The following MIPOL1 variants were observed in gnomAD, a reference collection of about 807,000 sequenced individuals.
MIPOL1 encodes mirror-image polydactyly gene 1 protein.
Under a neutral mutation model 60.9 loss-of-function variants are expected in MIPOL1, and 57 were observed. The ratio of observed to expected loss-of-function variants is 0.94; its 90% CI spans 0.76 to 1.17. The LOEUF is 1.17. Among genes scored for constraint, MIPOL1 ranks in the 50% most tolerant of loss-of-function variants. The pLI is 0.00. For missense variants in MIPOL1, 551 were observed against 511.6 expected (o/e 1.08, Z -0.74); for synonymous variants, 179 against 168.8 (o/e 1.06, Z -0.47).
chr14:37,432,033 TTGTTCAATA>T (rs2094080204), intron 11 of MIPOL1, among the ~76,000 whole-genome samples: 1 of 152,174 alleles, frequency 6.6e-6, no homozygotes, highest in African/African-American at 2.4e-5. Flanking sequence ...CCAAAATAGA[TTGTTCAATA>T]TTCCATGGAC....
chr14:37,279,814 T>C (rs2083958418), intron 6 of MIPOL1, among the ~76,000 whole-genome samples: 1 of 152,098 alleles, frequency 6.6e-6, no homozygotes, highest in Admixed American at 6.6e-5. Context: ...TAAAATGCAT[T>C]ATTTTAGCTT....
intron 11 of MIPOL1, among the ~76,000 whole-genome samples, chr14:37,458,972 A>G (rs556719491): frequency 1.3e-5 from 2 of 152,218 alleles, no homozygotes; most frequent in African/African-American, 4.8e-5. Context: ...AACAAATGAA[A>G]ATAGAGACAC....
intron 11 of MIPOL1, among the ~76,000 whole-genome samples, chr14:37,478,570 A>G (rs183273267): frequency 3.9e-5 from 6 of 152,268 alleles, no homozygotes; most frequent in Non-Finnish European, 5.9e-5. Context: ...TACTATCAAT[A>G]ATTACCATGA....
At position 37,224,028 on chromosome 14, in the gene MIPOL1, C is replaced by T. The variant is rs569123395; in HGVS notation, c.-198-23075C>T. 1.3e-3 allele frequency among the ~76,000 whole-genome samples: 199 copies of T among 152,264 alleles called. 2 individuals are homozygous for T. Among genetic ancestry groups the T allele is most frequent in the African/African-American group, 3.8e-3 (160 of 41,564 alleles). ...CTAGCATTTTGATGACCATTTATCT[C>T]CTCAGTTCCCTAAAGCAGGAAAAAT... On this transcript the variant is annotated intron_variant, in intron 1 of 12. Transcript: ENST00000684589.
chr14:37,337,352 ATATATTTTTTTTT>A (rs2090226406), intron 9 of MIPOL1, among the ~76,000 whole-genome samples: 1 of 35,450 alleles, frequency 2.8e-5, no homozygotes, highest in Non-Finnish European at 4.4e-5. Context: ...ATATATATAT[ATATATTTTTTTTT>A]TTTTTTTTTT....
At chr14:37,238,703 C>G (rs766404292) in intron 1 of MIPOL1, among the ~76,000 whole-genome samples, 2 of 151,648 alleles carry the variant, frequency 1.3e-5, no homozygotes, top group South Asian at 4.2e-4. Context: ...GTAATCCCAA[C>G]ACTTCGGAAG....
At chr14:37,248,473 AAAAG>A (rs1973542180) in intron 3 of MIPOL1, among the ~76,000 whole-genome samples, 1 of 152,088 alleles carries the variant, frequency 6.6e-6, no homozygotes, top group Admixed American at 6.6e-5. Context: ...ACAGAGAAAA[AAAAG>A]AGACACATTG....
chr14:37,476,443 T>G (rs996918825), intron 11 of MIPOL1, among the ~76,000 whole-genome samples: 1 of 152,186 alleles, frequency 6.6e-6, no homozygotes, highest in African/African-American at 2.4e-5. Context: ...CTTGTCTTAC[T>G]GCATTAGCTA....
intron 1 of MIPOL1, among the ~76,000 whole-genome samples, chr14:37,225,250 C>T (rs1163247247): frequency 6.6e-6 from 1 of 152,168 alleles, no homozygotes; most frequent in Non-Finnish European, 1.5e-5. Flanking sequence ...CCTTTTCTCA[C>T]AGCTCCACAA....
At position 37,268,774 on chromosome 14, in the gene MIPOL1, T is replaced by G. The variant is rs1433785234; in HGVS notation, c.368T>G (p.Leu123Arg). The G allele has an allele frequency of 6.3e-7, 1 of 1,585,680 alleles. No homozygotes were observed. Among genetic ancestry groups the G allele is most frequent in the Non-Finnish European group, 8.6e-7 (1 of 1,163,620 alleles). ...IAFLLKELDI[L>R]RTSNKKLQQK... Reference sequence around the variant, plus strand: ...TTTCTTCTAAAAGAATTGGATATTCTCAGAACAAGCAATAAAAAGGTATAA... The same window carrying G: ...TTTCTTCTAAAAGAATTGGATATTCGCAGAACAAGCAATAAAAAGGTATAA... Residue 123 changes from leucine to arginine, a missense_variant, in exon 5 of 13, where the codon CTC (leucine) becomes CGC (arginine). Physicochemically the swap from Leu to Arg is moderately radical, Grantham distance 102. Coordinates refer to ENST00000684589, the MANE Select transcript of MIPOL1 (RefSeq NM_001388067.1).
At chr14:37,335,164 C>T (rs1170694720) in intron 9 of MIPOL1, among the ~76,000 whole-genome samples, 1 of 152,086 alleles carries the variant, frequency 6.6e-6, no homozygotes, top group Non-Finnish European at 1.5e-5. Flanking sequence ...TTCTCGCTAA[C>T]ACCTGTTACT....
At chr14:37,348,890 C>T (rs189144439) in intron 9 of MIPOL1, among the ~76,000 whole-genome samples, 55 of 147,572 alleles carry the variant, frequency 3.7e-4, no homozygotes, top group African/African-American at 1.3e-3. Flanking sequence ...AGCAGTGGCA[C>T]GATCTCAAGC....
intron 12 of MIPOL1, among the ~76,000 whole-genome samples, chr14:37,534,469 G>A (rs1015630111): frequency 2.6e-5 from 4 of 152,130 alleles, no homozygotes; most frequent in Admixed American, 2.6e-4. Context: ...AAATGTGAAT[G>A]TACTTCTTAT....
intron 9 of MIPOL1, among the ~76,000 whole-genome samples, chr14:37,368,356 A>ATAT (rs3062673): frequency 0.99 from 151,180 of 152,126 alleles, 75,128 homozygotes; most frequent in Middle Eastern, 1. Context: ...AACATTTTGT[A>ATAT]TACTCAAAGT....
At chr14:37,203,546 T>G (rs1965628288) in intron 1 of MIPOL1, among the ~76,000 whole-genome samples, 1 of 152,206 alleles carries the variant, frequency 6.6e-6, no homozygotes, top group Admixed American at 6.5e-5. Flanking sequence ...GAGGGTGAAC[T>G]AGACCTAGAG....
chr14:37,366,559 T>C (rs1230540707), intron 9 of MIPOL1, among the ~76,000 whole-genome samples: 1 of 152,080 alleles, frequency 6.6e-6, no homozygotes, highest in Non-Finnish European at 1.5e-5. Context: ...ACTTGTTTTG[T>C]GACCTAACAT....
chr14:37,542,425 G>T (rs1192630200), intron 12 of MIPOL1, among the ~76,000 whole-genome samples: 3 of 151,910 alleles, frequency 2.0e-5, no homozygotes, highest in African/African-American at 7.3e-5. Flanking sequence ...GTAAAATGTA[G>T]TATGGCCTAC....
intron 1 of MIPOL1, among the ~76,000 whole-genome samples, chr14:37,208,000 G>T (rs1205635503): frequency 2.6e-5 from 4 of 152,144 alleles, no homozygotes; most frequent in Non-Finnish European, 5.9e-5. Context: ...GATTGATTTG[G>T]TGTTTTTTTA....
chr14:37,445,661 A>C (rs1194680826), intron 11 of MIPOL1, among the ~76,000 whole-genome samples: 1 of 151,582 alleles, frequency 6.6e-6, no homozygotes, highest in Non-Finnish European at 1.5e-5. Context: ...CACACTACCT[A>C]ACTTCAAACT....
Sources: allele counts gnomAD v4.1 joint callset (sites outside exome capture counted in the v4.1 genomes callset), GRCh38; gene constraint gnomAD v4.1.1; transcripts MANE v1.5; gene names NCBI Gene and HGNC (gene_info 2026-07-23, HGNC 2026-07-21).